DDX60L: variants seen among roughly 807,000 people sequenced by gnomAD.
DDX60L encodes DExD/H-box 60 like.
DDX60L carries 191 observed loss-of-function variants against 211.6 expected under a neutral mutation model. The observed-to-expected ratio is 0.90, with a 90% CI of 0.80 to 1.02. The LOEUF (loss-of-function observed/expected upper bound fraction) is 1.02, where lower values mean the gene tolerates loss of function less well. DDX60L is among the 50% of genes least tolerant of loss of function. The pLI, the probability that DDX60L is intolerant of heterozygous loss-of-function variation, is 0.00. For synonymous variants in DDX60L, 706 were observed against 694.1 expected (o/e 1.02, Z -0.27); for missense variants, 2,007 against 1,984.1 (o/e 1.01, Z -0.22).
At chr4:168,389,696 G>A (rs1174957069) in intron 29 of DDX60L, among the ~76,000 whole-genome samples, 1 of 152,062 alleles carries the variant, frequency 6.6e-6, no homozygotes, top group Admixed American at 6.5e-5. Context: ...TAAATCCACA[G>A]GTAGATTTTC....
chr4:168,430,709 T>TA, intron 12 of DDX60L, 71 bp from the exon 13 acceptor site: 4 of 1,169,732 alleles, frequency 3.4e-6, no homozygotes, highest in Non-Finnish European at 4.6e-6. Context: ...TACCCACACA[T>TA]TATTTTTTTA....
In DDX60L at chr4:168,432,573, G is replaced by A; in HGVS notation, c.1401-3C>T. The A allele has an allele frequency of 6.6e-7, 1 of 1,520,258 alleles. No individual in the cohort carries two copies. The allele number at this position is 1,520,258 out of a possible 1,614,324, so 94.2% of individuals were successfully genotyped here. A position where few individuals can be genotyped will look rare whatever the true frequency, so the allele number is the denominator to read the frequency against. ...GTGAAGGAACAACCGGATCATCACTGTAAAAATAAATACATAATTTTTTTA... is the reference window on the plus strand; with the variant it reads ...GTGAAGGAACAACCGGATCATCACTATAAAAATAAATACATAATTTTTTTA... On this transcript the variant is annotated splice_region_variant and splice_polypyrimidine_tract_variant and intron_variant, in intron 11 of 37. Coordinates refer to ENST00000682922, the MANE Select transcript of DDX60L (RefSeq NM_001012967.3).
At chr4:168,362,526 T>G (rs1035611986) in intron 36 of DDX60L, among the ~76,000 whole-genome samples, 1 of 152,204 alleles carries the variant, frequency 6.6e-6, no homozygotes, top group East Asian at 1.9e-4. Flanking sequence ...TACAGCCTGC[T>G]GGCACACTGA....
chr4:168,367,930 T>C (rs994389805), intron 36 of DDX60L, among the ~76,000 whole-genome samples: 3 of 152,196 alleles, frequency 2.0e-5, no homozygotes, highest in Non-Finnish European at 2.9e-5. Context: ...CAGCAAAGCA[T>C]TCAAGAGGTG....
intron 10 of DDX60L, among the ~76,000 whole-genome samples, chr4:168,437,689 T>C (rs2149978367): frequency 6.6e-6 from 1 of 152,204 alleles, no homozygotes; most frequent in East Asian, 1.9e-4. Context: ...GGCAATAAGA[T>C]CATGAACAAG....
chr4:168,430,830 C>T (rs149067743), intron 12 of DDX60L, among the ~76,000 whole-genome samples, 192 bp from the exon 13 acceptor site: 1 of 152,110 alleles, frequency 6.6e-6, no homozygotes, highest in East Asian at 1.9e-4. Flanking sequence ...TGCTAATGTC[C>T]GGGTCTAAGT....
intron 19 of DDX60L, among the ~76,000 whole-genome samples, chr4:168,417,936 CT>C (rs1749854628): frequency 6.6e-6 from 1 of 152,180 alleles, no homozygotes; most frequent in African/African-American, 2.4e-5. Flanking sequence ...TAATCGCCCA[CT>C]TTACCAAATG....
intron 29 of DDX60L, among the ~76,000 whole-genome samples, chr4:168,385,276 C>T (rs902459618): frequency 2.0e-5 from 3 of 152,064 alleles, no homozygotes; most frequent in African/African-American, 7.2e-5. Flanking sequence ...GTGAAGTTTC[C>T]ATAAAAACCT....
chr4:168,421,187 GGAGA>G (rs1389870770), intron 17 of DDX60L, among the ~76,000 whole-genome samples: 3 of 151,576 alleles, frequency 2.0e-5, no homozygotes, highest in Non-Finnish European at 4.4e-5. Context: ...AAAGGAAAGG[GGAGA>G]GAGAAAGAAA....
intron 36 of DDX60L, among the ~76,000 whole-genome samples, chr4:168,369,507 A>C (rs999058201): frequency 1.3e-5 from 2 of 151,918 alleles, no homozygotes; most frequent in Admixed American, 1.3e-4. Context: ...CAGCAGAAAA[A>C]CTTCATGATA....
At position 168,471,801 on chromosome 4, in the gene DDX60L, G is replaced by GCATT; in HGVS notation, c.206_209dup (p.Cys70Ter). 6.2e-7 allele frequency: 1 copy of GCATT among 1,613,388 alleles called. No individual in the cohort carries two copies. Among genetic ancestry groups the GCATT allele is most frequent in the Non-Finnish European group, 8.5e-7 (1 of 1,179,788 alleles). On this transcript the variant is annotated stop_gained and frameshift_variant, in exon 4 of 38. Coordinates refer to ENST00000682922, the MANE Select transcript of DDX60L (RefSeq NM_001012967.3). LOFTEE classifies it high-confidence loss of function. ...CGTTACTCAGAAGATCCACAAGATAGCATTCAACCAGATAGAAAAAGTGGA... is the reference window on the plus strand; with the variant it reads ...CGTTACTCAGAAGATCCACAAGATAGCATTCATTCAACCAGATAGAAAAAGTGGA...
chr4:168,433,912 G>A (rs191547419), intron 10 of DDX60L, among the ~76,000 whole-genome samples: 161 of 152,218 alleles, frequency 1.1e-3, no homozygotes, highest in Non-Finnish European at 1.5e-3. Context: ...ACTTATACTA[G>A]TTACACTAGC....
intron 9 of DDX60L, among the ~76,000 whole-genome samples, chr4:168,446,462 G>A (rs1037170965): frequency 2.2e-4 from 34 of 152,190 alleles, no homozygotes; most frequent in East Asian, 1.9e-3. Context: ...TGCCCAAGGT[G>A]ATTTACAGAT....
chr4:168,468,629 C>T (rs1758337411), intron 4 of DDX60L: 1 of 151,788 alleles, frequency 6.6e-6, no homozygotes, highest in Admixed American at 6.6e-5. Context: ...CTAGAGATGC[C>T]AATCACTGTA....
intron 22 of DDX60L, 42 bp downstream of exon 22, chr4:168,415,366 C>A: frequency 7.4e-7 from 1 of 1,356,542 alleles, no homozygotes. Flanking sequence ...GCGATATACA[C>A]TAAAAATTCC....
At chr4:168,392,171 C>T (rs998967116) in intron 28 of DDX60L, among the ~76,000 whole-genome samples, 1 of 152,200 alleles carries the variant, frequency 6.6e-6, no homozygotes, top group African/African-American at 2.4e-5. Flanking sequence ...CTCTGGACAA[C>T]CACCTTCTCT....
intron 1 of DDX60L, among the ~76,000 whole-genome samples, chr4:168,474,024 G>GGC (rs1246091802): frequency 6.6e-6 from 1 of 152,214 alleles, no homozygotes; most frequent in Non-Finnish European, 1.5e-5. Flanking sequence ...CTGTGTGACA[G>GGC]GCGCTGCACT....
chr4:168,449,657 A>C (rs1289523794), intron 8 of DDX60L, among the ~76,000 whole-genome samples: 1 of 84,328 alleles, frequency 1.2e-5, no homozygotes, highest in Non-Finnish European at 2.4e-5. Flanking sequence ...AAATGCAAAA[A>C]AAAAAAAAGA....
At chr4:168,448,439 T>C (rs1755158103) in intron 9 of DDX60L, among the ~76,000 whole-genome samples, 199 bp downstream of exon 9, 2 of 152,192 alleles carry the variant, frequency 1.3e-5, no homozygotes. Context: ...TATGCTATCA[T>C]ATCATAGCAT....
Sources: allele counts gnomAD v4.1 joint callset (sites outside exome capture counted in the v4.1 genomes callset), GRCh38; gene constraint gnomAD v4.1.1; transcripts MANE v1.5; gene names NCBI Gene and HGNC (gene_info 2026-07-23, HGNC 2026-07-21).